PRKG1: variants seen among roughly 807,000 people sequenced by gnomAD.
The protein encoded by PRKG1 is cGMP-dependent protein kinase 1.
PRKG1 carries 35 observed loss-of-function variants against 88.1 expected under a neutral mutation model. The ratio of observed to expected loss-of-function variants is 0.40; its 90% confidence interval spans 0.30 to 0.53. PRKG1 has a LOEUF of 0.53. Among genes scored for constraint, PRKG1 ranks in the 20% least tolerant of loss-of-function variants. The pLI is 0.59. For missense variants in PRKG1, 540 were observed against 839.8 expected, an observed-to-expected ratio of 0.64 and a Z score of 4.41; for synonymous variants, 303 against 292.5, an observed-to-expected ratio of 1.04 and a Z score of -0.37.
At chr10:51,937,380 T>G (rs866679641) in intron 5 of PRKG1, among the ~76,000 whole-genome samples, 1 of 152,068 alleles carries the variant, frequency 6.6e-6, no homozygotes, top group Non-Finnish European at 1.5e-5. Context: ...CTGTTTTGAA[T>G]GTTTAACCTA....
intron 2 of PRKG1, among the ~76,000 whole-genome samples, chr10:51,413,126 T>C (rs958291321): frequency 2.6e-5 from 4 of 152,358 alleles, no homozygotes; most frequent in African/African-American, 9.6e-5. Flanking sequence ...TAATTCAAAA[T>C]GACAAATATG....
At chr10:51,683,264 G>A (rs1840895470) in intron 3 of PRKG1, among the ~76,000 whole-genome samples, 1 of 152,148 alleles carries the variant, frequency 6.6e-6, no homozygotes, top group Admixed American at 6.5e-5. Context: ...GGAGGTTGCA[G>A]TGAGCCAAGA....
At chr10:51,493,594 T>G (rs1438994046) in intron 3 of PRKG1, among the ~76,000 whole-genome samples, 1 of 152,188 alleles carries the variant, frequency 6.6e-6, no homozygotes. Flanking sequence ...TCAAGATTCT[T>G]CGCTTGGATT....
intron 2 of PRKG1, among the ~76,000 whole-genome samples, chr10:51,293,307 TA>T (rs930103261): frequency 9.2e-5 from 14 of 152,260 alleles, no homozygotes; most frequent in Admixed American, 7.9e-4. Context: ...ATAATTACAT[TA>T]GCTATCCATA....
intron 3 of PRKG1, among the ~76,000 whole-genome samples, chr10:51,602,018 C>A (rs948427012): frequency 6.6e-6 from 1 of 151,830 alleles, no homozygotes; most frequent in Non-Finnish European, 1.5e-5. Context: ...AAATGTCTGG[C>A]ATTTCATGTC....
At chr10:51,828,432 C>T (rs1256846487) in intron 4 of PRKG1, among the ~76,000 whole-genome samples, 3 of 152,074 alleles carry the variant, frequency 2.0e-5, no homozygotes, top group Admixed American at 1.3e-4. Flanking sequence ...AGACTGTTCA[C>T]AGCATTTAAA....
intron 2 of PRKG1, among the ~76,000 whole-genome samples, chr10:51,319,290 T>C (rs1468184787): frequency 1.3e-5 from 2 of 152,212 alleles, no homozygotes; most frequent in Non-Finnish European, 2.9e-5. Context: ...CCAAGCTCTA[T>C]TCCTCCAGGG....
At chr10:51,446,998 G>A (rs1225066348) in intron 2 of PRKG1, among the ~76,000 whole-genome samples, 2 of 151,976 alleles carry the variant, frequency 1.3e-5, no homozygotes, top group African/African-American at 4.8e-5. Context: ...CCTCTTTCTA[G>A]AACTCTTGGC....
intron 5 of PRKG1, among the ~76,000 whole-genome samples, chr10:51,922,271 TG>T (rs1564709805): frequency 7.2e-6 from 1 of 139,360 alleles, no homozygotes; most frequent in Non-Finnish European, 1.6e-5. Flanking sequence ...TTAGTATTTT[TG>T]TATCTTCTCT....
intron 4 of PRKG1, among the ~76,000 whole-genome samples, chr10:51,905,246 A>C (rs1424311718): frequency 6.6e-6 from 1 of 152,166 alleles, no homozygotes; most frequent in African/African-American, 2.4e-5. Flanking sequence ...CATGGCTCAG[A>C]CCATAGCAGT....
intron 9 of PRKG1, among the ~76,000 whole-genome samples, chr10:52,211,883 A>C (rs1839985643): frequency 6.6e-6 from 1 of 151,994 alleles, no homozygotes; most frequent in Non-Finnish European, 1.5e-5. Flanking sequence ...TAGAAAAAAA[A>C]CTTGTATGAA....
intron 1 of PRKG1, among the ~76,000 whole-genome samples, chr10:51,123,712 C>CT (rs1845325504): frequency 6.7e-6 from 1 of 149,052 alleles, no homozygotes; most frequent in African/African-American, 2.5e-5. Flanking sequence ...AAAAAAATTA[C>CT]TGGAGGCTCT....
At chr10:51,686,184 G>GTA (rs112896486) in intron 3 of PRKG1, among the ~76,000 whole-genome samples, 9,325 of 152,198 alleles carry the variant, frequency 0.061, 480 homozygotes, top group African/African-American at 0.14. Flanking sequence ...GGGTCCATGT[G>GTA]TAGGTTTGTT....
At chr10:51,409,238 C>T (rs1302803782) in intron 2 of PRKG1, among the ~76,000 whole-genome samples, 1 of 152,118 alleles carries the variant, frequency 6.6e-6, no homozygotes, top group African/African-American at 2.4e-5. Context: ...GTCTTGTCTT[C>T]CTCTGTCAAC....
At chr10:51,427,770 G>A (rs976556905) in intron 2 of PRKG1, among the ~76,000 whole-genome samples, 4 of 152,170 alleles carry the variant, frequency 2.6e-5, no homozygotes, top group Non-Finnish European at 5.9e-5. Flanking sequence ...TTTCACCAAA[G>A]GTTTCAGGTG....
intron 2 of PRKG1, among the ~76,000 whole-genome samples, chr10:51,262,759 GAA>G (rs928434455): frequency 6.6e-6 from 1 of 152,104 alleles, no homozygotes; most frequent in African/African-American, 2.4e-5. Context: ...CATGGCAACA[GAA>G]AAGAGAGAGA....
intron 2 of PRKG1, among the ~76,000 whole-genome samples, chr10:51,363,492 C>G (rs150041205): frequency 2.6e-5 from 4 of 151,818 alleles, no homozygotes; most frequent in African/African-American, 9.7e-5. Context: ...TAAAAAGGAA[C>G]AAGAAGGGGG....
At chr10:51,567,289 G>A (rs149966288) in intron 3 of PRKG1, among the ~76,000 whole-genome samples, 2 of 152,082 alleles carry the variant, frequency 1.3e-5, no homozygotes, top group East Asian at 3.9e-4. Flanking sequence ...CACACCTGCG[G>A]CACCAAAAGC....
At chr10:51,925,708 C>T (rs1042156629) in intron 5 of PRKG1, among the ~76,000 whole-genome samples, 1 of 152,094 alleles carries the variant, frequency 6.6e-6, no homozygotes, top group African/African-American at 2.4e-5. Flanking sequence ...ATGATGAAGA[C>T]CCATTAGAGT....
Sources: gnomAD v4.1 joint callset for allele counts (sites outside exome capture counted in the v4.1 genomes callset) on GRCh38, gnomAD v4.1.1 for gene constraint, MANE v1.5 for transcripts, NCBI Gene and HGNC (gene_info 2026-07-23, HGNC 2026-07-21) for gene names.